The following SV2A variants were observed in gnomAD, a reference collection of about 807,000 sequenced individuals.
SV2A encodes solute carrier family 22 member B1.
Under a neutral mutation model 78.0 loss-of-function variants are expected in SV2A, and 25 were observed. That is an observed-to-expected ratio of 0.32 (90% CI 0.23 to 0.45). SV2A has a LOEUF of 0.45. SV2A is among the 20% of genes least tolerant of loss of function. SV2A has a pLI of 1.00. For missense variants in SV2A, 752 were observed against 971.5 expected (o/e 0.77, Z 3.00); for synonymous variants, 355 against 384.7 (o/e 0.92, Z 0.90).
intron 2 of SV2A, among the ~76,000 whole-genome samples, chr1:149,912,187 A>G (rs1164123214): frequency 6.6e-6 from 1 of 152,170 alleles, no homozygotes; most frequent in Admixed American, 6.5e-5. Flanking sequence ...GCAGGAATGA[A>G]GATATGGGAG....
intron 1 of SV2A, among the ~76,000 whole-genome samples, chr1:149,914,500 T>A (rs1489748726): frequency 2.0e-5 from 3 of 152,160 alleles, no homozygotes; most frequent in Non-Finnish European, 1.5e-5. Context: ...ACAGGAAATA[T>A]GAGAAACCAG....
At chr1:149,911,401 G>A (rs958760489) in intron 3 of SV2A, among the ~76,000 whole-genome samples, 1 of 152,222 alleles carries the variant, frequency 6.6e-6, no homozygotes, top group African/African-American at 2.4e-5. Context: ...CGGACAAGGC[G>A]TCAGGGTTCT....
intron 11 of SV2A, 79 bp downstream of exon 11, chr1:149,906,571 C>G: frequency 6.8e-7 from 1 of 1,478,728 alleles, no homozygotes. Flanking sequence ...CTTCCACAGC[C>G]CAAGGTGAGA....
In SV2A at chr1:149,904,128, G is replaced by A. The variant is rs1372114787; in HGVS notation, c.*886C>T. ...AGGAGGCCTCTGCTTCTTGAGGAGG[G>A]AAGGAGATGGGCCTTGTCGGATGCC... On this transcript the variant is annotated 3_prime_UTR_variant, in exon 13 of 13. Coordinates refer to ENST00000369146, the MANE Select transcript of SV2A (RefSeq NM_014849.5). 2.0e-5 allele frequency: 3 copies of A among 152,864 alleles called. No homozygotes were observed. Among genetic ancestry groups the A allele is most frequent in the Non-Finnish European group, 4.4e-5 (3 of 68,220 alleles). The allele number at this position is 152,864 out of a possible 1,614,324, so 9.5% of individuals were successfully genotyped here.
Position 149,905,113 on chromosome 1 carries a change from G to A in SV2A, c.2130C>T (p.Ile710=), listed in dbSNP as rs13067. 39,862 of 1,612,860 alleles carry A rather than the reference G, an allele frequency of 0.025. 687 individuals are homozygous for A. Among genetic ancestry groups the A allele is most frequent in the Middle Eastern group, 0.092 (560 of 6,062 alleles). Residue 710 remains isoleucine, a synonymous_variant, in exon 13 of 13, where the codon ATC becomes ATT. Coordinates refer to ENST00000369146, the MANE Select transcript of SV2A (RefSeq NM_014849.5). ...CAAAGAGGATGGGTGCAGCCTTGGT[G>A]ATTCCCACGAAGGATGTGAAGATGC... ...GISIFTSFVG[I]TKAAPILFAS...
At chr1:149,913,150 G>A (rs782751365) in intron 2 of SV2A, 69 bp downstream of exon 2, 132 of 1,561,496 alleles carry the variant, frequency 8.5e-5, no homozygotes, top group Non-Finnish European at 1.1e-4. Flanking sequence ...GTAAGGACAA[G>A]AGCAATTTCC....
chr1:149,912,741 G>C (rs1457360932), intron 2 of SV2A, among the ~76,000 whole-genome samples: 5 of 152,022 alleles, frequency 3.3e-5, no homozygotes, highest in African/African-American at 4.8e-5. Flanking sequence ...ATCTGAGTGA[G>C]AGAAAGTCTA....
chr1:149,911,903 A>G lies in SV2A; in HGVS notation c.700T>C (p.Cys234Arg). The stretch of plus-strand genomic sequence containing the variant: ...TTGACTGAGAGCGAGATGAGCAGAC[A>G]CTGCCTCCGACCCAGCCGGTCAGCC... ...GLADRLGRRQ[C>R]LLISLSVNSV... is the part of the protein sequence containing the mutation. The change falls in exon 3 of 13, where the codon TGT becomes CGT. Residue 234 changes from cysteine (C) to arginine (R), a missense_variant. Cys to Arg is a radical substitution (Grantham distance 180). This residue lies in a region of SV2A where 291 missense variants were observed against 359.5 expected (regional missense o/e 0.81). Coordinates refer to ENST00000369146, the MANE Select transcript of SV2A (RefSeq NM_014849.5). The G allele has an allele frequency of 6.2e-7, 1 of 1,614,216 alleles. No homozygotes were observed. Among genetic ancestry groups the G allele is most frequent in the Admixed American group, 1.7e-5 (1 of 60,030 alleles).
At chr1:149,907,139 A>C (rs1440413600) in intron 10 of SV2A, 1 of 348,106 alleles carries the variant, frequency 2.9e-6, no homozygotes, top group Admixed American at 6.4e-5. Context: ...AGCTGACTAT[A>C]AGCAGTAGCG....
chr1:149,913,162 G>A (rs1254309796), intron 2 of SV2A, 57 bp downstream of exon 2: 3 of 1,572,878 alleles, frequency 1.9e-6, no homozygotes, highest in Non-Finnish European at 2.6e-6. Flanking sequence ...GCAATTTCCA[G>A]GAGCAAGGAG....
At position 149,906,806 on chromosome 1, in the gene SV2A, G is replaced by A. The variant is rs781978439; in HGVS notation, c.1729C>T (p.Leu577=). The change falls in exon 11 of 13, where the codon CTG becomes TTG. Residue 577 remains leucine, a synonymous_variant. Coordinates refer to ENST00000369146, the MANE Select transcript of SV2A (RefSeq NM_014849.5). ...AGCGGGCAGCCCTCCTTGTTGTGCA[G>A]GAATGTACTGTTTATCAGACGGCTG... ...VNSRLINSTF[L]HNKEGCPLDV... is the part of the protein sequence containing the mutation. 15 of 1,614,080 alleles carry A rather than the reference G, an allele frequency of 9.3e-6. No individual in the cohort carries two copies. The South Asian group carries it at 1.6e-4, about 18-fold the overall frequency.
chr1:149,908,516 CCTGT>C (rs1237207036), intron 8 of SV2A, among the ~76,000 whole-genome samples: 2 of 152,216 alleles, frequency 1.3e-5, no homozygotes, highest in African/African-American at 4.8e-5. Context: ...CCCCACTCCA[CCTGT>C]CTGACTCCCA....
rs782125707 is a variant in SV2A, at chr1:149,906,814, C to G, written c.1721G>C (p.Ser574Thr). ...GCCCTCCTTGTTGTGCAGGAATGTA[C>G]TGTTTATCAGACGGCTGTTCACAAA... ...YKFVNSRLIN[S>T]TFLHNKEGCP... The change falls in exon 11 of 13, where the codon AGT becomes ACT. Residue 574 changes from serine (S) to threonine (T), a missense_variant. Ser to Thr is a moderately conservative substitution (Grantham distance 58). Coordinates refer to ENST00000369146, the MANE Select transcript of SV2A (RefSeq NM_014849.5). 3 of 1,614,194 alleles carry G rather than the reference C, an allele frequency of 1.9e-6. No individual in the cohort carries two copies. Among genetic ancestry groups the G allele is most frequent in the Admixed American group, 1.7e-5 (1 of 60,026 alleles).
rs1271053912 is a variant in SV2A, at chr1:149,910,314, C to T, written c.1089+256G>A. On this transcript the variant is annotated intron_variant, in intron 5 of 12. Coordinates refer to ENST00000369146, the MANE Select transcript of SV2A (RefSeq NM_014849.5). The surrounding 1 kb of genome is among the most constrained non-coding windows in gnomAD (Gnocchi z 4.2). ...CTGTAAATGCAGGACAGGGCCAAGG[C>T]CCTTCCCTGCAAAATCTTAAGTCAT... 6.6e-6 allele frequency among the ~76,000 whole-genome samples: 1 copy of T among 152,170 alleles called. No homozygotes were observed. Among genetic ancestry groups the T allele is most frequent in the Non-Finnish European group, 1.5e-5 (1 of 68,036 alleles).
rs201414572 is a variant in SV2A at position 149,909,578 on chromosome 1, T to C, written c.1180-7A>G. ...TCGTCTTAATGTGGGTTACCTGGGGTCAAGAGAAGGGGTGGGCAGTCACAC... is the reference window on the plus strand; with the variant it reads ...TCGTCTTAATGTGGGTTACCTGGGGCCAAGAGAAGGGGTGGGCAGTCACAC... On this transcript the variant is annotated splice_region_variant and splice_polypyrimidine_tract_variant and intron_variant, in intron 6 of 12. Transcript: ENST00000369146. 1.9e-6 allele frequency: 3 copies of C among 1,612,052 alleles called. No individual in the cohort carries two copies. The highest frequency in any genetic ancestry group is 4.5e-5 in the East Asian group (2 of 44,846).
intron 1 of SV2A, among the ~76,000 whole-genome samples, chr1:149,916,282 G>A (rs1479213133): frequency 6.6e-6 from 1 of 152,332 alleles, no homozygotes; most frequent in Middle Eastern, 3.4e-3. Context: ...AACCACAGCA[G>A]GATATGAGGT....
chr1:149,909,997 G>C, intron 5 of SV2A, 107 bp from the exon 6 acceptor site: 1 of 1,038,196 alleles, frequency 9.6e-7, no homozygotes, highest in Non-Finnish European at 1.5e-6. Flanking sequence ...ACACTAAATG[G>C]TTCCCAGCCC....
At chr1:149,909,983 C>T in intron 5 of SV2A, 93 bp from the exon 6 acceptor site, 1 of 1,200,396 alleles carries the variant, frequency 8.3e-7, no homozygotes, top group Non-Finnish European at 1.2e-6. Context: ...TCTGTAGTCA[C>T]AGGACACTAA....
Position 149,913,933 on chromosome 1 carries a change from C to T in SV2A, c.-93G>A. 1 of 1,503,246 alleles carries T rather than the reference C, an allele frequency of 6.7e-7. No homozygotes were observed. The allele number at this position is 1,503,246 out of a possible 1,614,324, so 93.1% of individuals were successfully genotyped here. ...GACTTGTAGAGTCAAAAAGACCCCTCCCCACAGTTACTTAGATGAAGCGTG... is the reference window on the plus strand; with the variant it reads ...GACTTGTAGAGTCAAAAAGACCCCTTCCCACAGTTACTTAGATGAAGCGTG... On this transcript the variant is annotated 5_prime_UTR_variant, in exon 2 of 13. Coordinates refer to ENST00000369146, the MANE Select transcript of SV2A (RefSeq NM_014849.5).
Sources: gnomAD v4.1 joint callset for allele counts (sites outside exome capture counted in the v4.1 genomes callset) on GRCh38, gnomAD v4.1.1 for gene constraint, gnomAD v4.1.1 regional missense constraint, Gnocchi (gnomAD v3.1) non-coding constraint, MANE v1.5 for transcripts, NCBI Gene and HGNC (gene_info 2026-07-23, HGNC 2026-07-21) for gene names.